The following BBC3 variants were observed in gnomAD, a reference collection of about 807,000 sequenced individuals.
The protein encoded by BBC3 is bcl-2-binding component 3.
BBC3 carries 5 observed loss-of-function variants against 18.2 expected under a neutral mutation model. That is an observed-to-expected ratio of 0.27 (90% CI 0.14 to 0.58). The LOEUF (loss-of-function observed/expected upper bound fraction) is 0.58, where lower values mean the gene tolerates loss of function less well. Among genes scored for constraint, BBC3 ranks in the 20% least tolerant of loss-of-function variants. The pLI is 0.91. For synonymous variants in BBC3, 119 were observed against 128.0 expected (o/e 0.93, Z 0.47); for missense variants, 224 against 268.9 (o/e 0.83, Z 1.17).
upstream of BBC3, among the ~76,000 whole-genome samples, chr19:47,232,224 G>A (rs1000980604): frequency 1.7e-4 from 26 of 152,222 alleles, no homozygotes; most frequent in African/African-American, 5.3e-4. Context: ...TGTGGCGCAT[G>A]CCTGTAATCC....
Position 47,226,439 on chromosome 19 carries a change from C to T in BBC3, c.465+125G>A. ...TCCCCCCCACCCACTTACCCCCCAC[C>T]TGCCTGTCCGCGGAGCGACCCAGCC... On this transcript the variant is annotated intron_variant, in intron 3 of 3. Coordinates refer to ENST00000439096, the MANE Select transcript of BBC3 (RefSeq NM_014417.5). The T allele has an allele frequency of 3.2e-6, 3 of 938,630 alleles. No homozygotes were observed. The South Asian group carries it at 6.4e-5, about 20-fold the overall frequency. The allele number at this position is 938,630 out of a possible 1,614,324, so 58.1% of individuals were successfully genotyped here. A position where few individuals can be genotyped will look rare whatever the true frequency, so the allele number is the denominator to read the frequency against.
At position 47,221,011 on chromosome 19, in the gene BBC3, T is replaced by TCC. The variant is rs2058743014; in HGVS notation, c.*789_*790dup. ...TCCGAGATTTCCCCCCCTCCCTGACTCCCCGTCTTCCCCCCAGCGCTTGGC... is the reference window on the plus strand; with the variant it reads ...TCCGAGATTTCCCCCCCTCCCTGACTCCCCCCGTCTTCCCCCCAGCGCTTGGC... On this transcript the variant is annotated 3_prime_UTR_variant, in exon 4 of 4. Transcript: ENST00000439096. The TCC allele has an allele frequency of 8.3e-6, 1 of 120,344 alleles. No individual in the cohort carries two copies. The highest frequency in any genetic ancestry group is 1.8e-5 in the Non-Finnish European group (1 of 56,896). The allele number at this position is 120,344 out of a possible 1,614,324, so 7.5% of individuals were successfully genotyped here. A position where few individuals can be genotyped will look rare whatever the true frequency, so the allele number is the denominator to read the frequency against.
At chr19:47,224,168 A>ATC (rs2058783881) in intron 3 of BBC3, among the ~76,000 whole-genome samples, 1 of 152,044 alleles carries the variant, frequency 6.6e-6, no homozygotes, top group African/African-American at 2.4e-5. Flanking sequence ...GGTGGCAGGC[A>ATC]TCTGTAATCT....
In BBC3 at chr19:47,228,136, C is replaced by G; in HGVS notation, c.274+22G>C. 8.3e-7 allele frequency: 1 copy of G among 1,208,060 alleles called. No individual in the cohort carries two copies. The highest frequency in any genetic ancestry group is 1.0e-6 in the Non-Finnish European group (1 of 971,988). The allele number at this position is 1,208,060 out of a possible 1,614,324, so 74.8% of individuals were successfully genotyped here. On this transcript the variant is annotated intron_variant, in intron 2 of 3. Transcript: ENST00000439096. This position sits in a 1 kb window ranked among gnomAD's most constrained non-coding sequence, Gnocchi z 5.5. ...TCTCTCTTCCCGGCTCCTATCACCC[C>G]GGGGGCGGGGCGGGCACTCACCGTC...
upstream of BBC3, chr19:47,231,252 C>G (rs933216734): frequency 2.1e-6 from 2 of 953,108 alleles, no homozygotes; most frequent in African/African-American, 3.6e-5. This position sits in a 1 kb window ranked among gnomAD's most constrained non-coding sequence, Gnocchi z 4.0. Flanking sequence ...CCCCGCCCCG[C>G]CCCGCCCCCG....
At position 47,230,400 on chromosome 19, in the gene BBC3, G is replaced by GC. The variant is rs1003340037; in HGVS notation, c.-16+528dup. Among the ~76,000 whole-genome samples the GC allele has an allele frequency of 2.8e-4, 41 of 148,738 alleles. No individual in the cohort carries two copies. The highest frequency in any genetic ancestry group is 8.5e-4 in the South Asian group (4 of 4,680). On this transcript the variant is annotated intron_variant, in intron 1 of 3. Transcript: ENST00000439096. This position sits in a 1 kb window ranked among gnomAD's most constrained non-coding sequence, Gnocchi z 6.7. ...CCAGACACCCCCCTCCGCTGTCACAGCCCCCCCCACCGCCGCCACGTGCGC... is the reference window on the plus strand; with the variant it reads ...CCAGACACCCCCCTCCGCTGTCACAGCCCCCCCCCACCGCCGCCACGTGCGC...
chr19:47,221,720 T>A lies in BBC3; in HGVS notation c.*82A>T, dbSNP rs927372009. 1 of 1,592,956 alleles carries A rather than the reference T, an allele frequency of 6.3e-7. No individual in the cohort carries two copies. The highest frequency in any genetic ancestry group is 1.4e-5 in the African/African-American group (1 of 73,488). ...AGTATGCTACATGGTGCAGAGAAAG[T>A]CCCCCGCGCTGGCCAGGGTGTCAGG... On this transcript the variant is annotated 3_prime_UTR_variant, in exon 4 of 4. Transcript: ENST00000439096.
intron 2 of BBC3, chr19:47,227,002 G>A: frequency 2.5e-6 from 1 of 392,360 alleles, no homozygotes; most frequent in Non-Finnish European, 4.6e-6. Flanking sequence ...GAAGGTAGAC[G>A]GCCAGAGAGG....
At chr19:47,225,396 C>T (rs1395725932) in intron 3 of BBC3, among the ~76,000 whole-genome samples, 1 of 151,428 alleles carries the variant, frequency 6.6e-6, no homozygotes, top group Non-Finnish European at 1.5e-5. Context: ...CTTGCTCTGT[C>T]CCCCAGGCTG....
At chr19:47,225,308 A>G in intron 3 of BBC3, among the ~76,000 whole-genome samples, 2 of 152,120 alleles carry the variant, frequency 1.3e-5, no homozygotes. Context: ...TCCGCCTCCC[A>G]AAGGGCTGGG....
rs1353844777 is a variant in BBC3 at position 47,221,636 on chromosome 19, G to A, written c.*166C>T. On this transcript the variant is annotated 3_prime_UTR_variant, in exon 4 of 4. Transcript: ENST00000439096. Reference sequence around the variant, plus strand: ...CATCTCCGTCAGTGCACCCCAGGCTGGGCTGGGGCTGGAGTGGCTGCCCCG... The same window carrying A: ...CATCTCCGTCAGTGCACCCCAGGCTAGGCTGGGGCTGGAGTGGCTGCCCCG... 7.1e-7 allele frequency: 1 copy of A among 1,400,592 alleles called. No individual in the cohort carries two copies. Among genetic ancestry groups the A allele is most frequent in the Non-Finnish European group, 9.6e-7 (1 of 1,041,462 alleles). The allele number at this position is 1,400,592 out of a possible 1,614,324, so 86.8% of individuals were successfully genotyped here.
chr19:47,227,833 G>C (rs193069320), intron 2 of BBC3, among the ~76,000 whole-genome samples: 17 of 152,178 alleles, frequency 1.1e-4, no homozygotes, highest in Admixed American at 8.5e-4. Flanking sequence ...CCTGCAACAG[G>C]AATCCTCCAG....
intron 2 of BBC3, among the ~76,000 whole-genome samples, chr19:47,227,498 C>G (rs554996249): frequency 2.6e-5 from 4 of 152,276 alleles, no homozygotes; most frequent in African/African-American, 7.2e-5. Context: ...TTTTCTCTTT[C>G]CTCGCTCCCC....
rs1555798921 is a variant in BBC3 at position 47,221,437 on chromosome 19, C to CG, written c.*364_*365insC. 1.5e-4 allele frequency: 38 copies of CG among 255,928 alleles called. 5 individuals carry two copies. The highest frequency in any genetic ancestry group is 7.8e-4 in the African/African-American group (33 of 42,042). 15.9% of individuals were successfully genotyped at this position (255,928 alleles called of 1,614,324 possible). Reference sequence around the variant, plus strand: ...GCACCGAGAGGAGAGCCCCCCCCTCCCAGTGTCACCCCTGCAGCTGGAACG... The same window carrying CG: ...GCACCGAGAGGAGAGCCCCCCCCTCCGCAGTGTCACCCCTGCAGCTGGAACG... On this transcript the variant is annotated 3_prime_UTR_variant, in exon 4 of 4. Coordinates refer to ENST00000439096, the MANE Select transcript of BBC3 (RefSeq NM_014417.5).
chr19:47,227,092 G>C (rs1186611900), intron 2 of BBC3: 1 of 211,040 alleles, frequency 4.7e-6, no homozygotes, highest in Non-Finnish European at 9.6e-6. Context: ...GACAGGCAGG[G>C]AAACTGAGGC....
At chr19:47,232,601 A>G, upstream of BBC3, 1 of 1,531,446 alleles carries the variant, frequency 6.5e-7, no homozygotes, top group Non-Finnish European at 8.8e-7. Flanking sequence ...GCCAAATTTC[A>G]TCCTGTCTCA....
Position 47,230,537 on chromosome 19 carries a change from C to T in BBC3, c.-16+392G>A, listed in dbSNP as rs2123398025. 1.3e-5 allele frequency among the ~76,000 whole-genome samples: 2 copies of T among 151,268 alleles called. No individual in the cohort carries two copies. The highest frequency in any genetic ancestry group is 1.3e-4 in the Admixed American group (2 of 15,198). On this transcript the variant is annotated intron_variant, in intron 1 of 3. Transcript: ENST00000439096. The surrounding 1 kb of genome is among the most constrained non-coding windows in gnomAD (Gnocchi z 6.7). ...GCCCGCGAGCCGCCCCCCGTCGCCG[C>T]CCCCAGCGGGCGCGCGCCCTGGGTG...
chr19:47,232,585 C>T (rs1454147484), upstream of BBC3: 1 of 1,536,446 alleles, frequency 6.5e-7, no homozygotes, highest in African/African-American at 1.4e-5. Flanking sequence ...CCTGGGCAGA[C>T]CCCATGCCAA....
At chr19:47,226,986 A>T in intron 2 of BBC3, 17 of 365,432 alleles carry the variant, frequency 4.7e-5, no homozygotes, top group Middle Eastern at 4.0e-4. Flanking sequence ...GGCCCTTGTC[A>T]GTGTGGAAGG....
Sources: allele counts gnomAD v4.1 joint callset (sites outside exome capture counted in the v4.1 genomes callset), GRCh38; gene constraint gnomAD v4.1.1; non-coding constraint Gnocchi (gnomAD v3.1); transcripts MANE v1.5; gene names NCBI Gene and HGNC (gene_info 2026-07-23, HGNC 2026-07-21).